The following TTLL4 variants were observed in gnomAD, a reference collection of about 807,000 sequenced individuals.
The protein encoded by TTLL4 is tubulin tyrosine ligase like 4, also known as tubulin monoglutamylase TTLL4.
A neutral mutation model predicts 122.7 loss-of-function variants in TTLL4; 85 were observed. The observed-to-expected ratio is 0.69, with a 90% CI of 0.58 to 0.83. The LOEUF is 0.83. Among genes scored for constraint, TTLL4 ranks in the 40% least tolerant of loss-of-function variants. The pLI, the probability that TTLL4 is intolerant of heterozygous loss-of-function variation, is 0.00. For missense variants in TTLL4, 1,363 were observed against 1,488.6 expected, an observed-to-expected ratio of 0.92 and a Z score of 1.39; for synonymous variants, 553 against 563.0, an observed-to-expected ratio of 0.98 and a Z score of 0.25.
intron 1 of TTLL4, among the ~76,000 whole-genome samples, chr2:218,721,577 C>A (rs893105699): frequency 3.3e-5 from 5 of 152,142 alleles, no homozygotes; most frequent in African/African-American, 1.2e-4. Context: ...GTGCCTCACA[C>A]ATTTTGATGA....
rs1942594130 is a variant in TTLL4, at chr2:218,738,358, A to G, written c.682A>G (p.Thr228Ala). The part of the protein sequence containing the change: ...NNNSFMWPNS[T>A]PVPLLQTTQG... ...TAATTCCTTCATGTGGCCAAATAGC[A>G]CGCCAGTGCCTTTATTGCAGACCAC... The change falls in exon 3 of 20, where the codon ACG (threonine) becomes GCG (alanine). Residue 228 changes from threonine to alanine, a missense_variant. By Grantham distance (58) the Thr-to-Ala change is moderately conservative (BLOSUM62 0). Transcript: ENST00000392102. 6.2e-7 allele frequency: 1 copy of G among 1,614,090 alleles called. No homozygotes were observed. The highest frequency in any genetic ancestry group is 8.5e-7 in the Non-Finnish European group (1 of 1,180,026).
At chr2:218,752,088 A>G (rs1481129411) in intron 16 of TTLL4, among the ~76,000 whole-genome samples, 1 of 151,814 alleles carries the variant, frequency 6.6e-6, no homozygotes, top group Non-Finnish European at 1.5e-5. Flanking sequence ...TATATTTTTT[A>G]GTAGAGATGG....
At position 218,747,207 on chromosome 2, in the gene TTLL4, C is replaced by T. The variant is rs1942868020; in HGVS notation, c.2166+13C>T. The stretch of plus-strand genomic sequence containing the variant: ...GATTGTGAAGCCAGTGAGTGAATCA[C>T]AGTGGGCAGGAGACTATGGTCTGTG... On this transcript the variant is annotated intron_variant, in intron 9 of 19. Transcript: ENST00000392102. The surrounding 1 kb of genome is among the most constrained non-coding windows in gnomAD (Gnocchi z 4.7). 2 of 1,614,054 alleles carry T rather than the reference C, an allele frequency of 1.2e-6. No individual in the cohort carries two copies. The highest frequency in any genetic ancestry group is 1.7e-5 in the Admixed American group (1 of 60,008).
At position 218,737,559 on chromosome 2, in the gene TTLL4, A is replaced by G; in HGVS notation, c.-98-20A>G. 5 of 1,211,008 alleles carry G rather than the reference A, an allele frequency of 4.1e-6. No individual in the cohort carries two copies. Among genetic ancestry groups the G allele is most frequent in the Middle Eastern group, 2.9e-4 (1 of 3,392 alleles). 75.0% of individuals were successfully genotyped at this position (1,211,008 alleles called of 1,614,324 possible). ...TTCTCCTGGCACTGTAACATTTCCT[A>G]TCATTTCTCTCCACTTCAGACTGAC... is the stretch of plus-strand genomic sequence containing the variant. On this transcript the variant is annotated intron_variant, in intron 2 of 19. Coordinates refer to ENST00000392102, the MANE Select transcript of TTLL4 (RefSeq NM_014640.5).
At position 218,750,103 on chromosome 2, in the gene TTLL4, G is replaced by A. The variant is rs769389900; in HGVS notation, c.2830G>A (p.Asp944Asn). The A allele has an allele frequency of 6.2e-7, 1 of 1,614,034 alleles. No individual in the cohort carries two copies. The highest frequency in any genetic ancestry group is 8.5e-7 in the Non-Finnish European group (1 of 1,179,940). The change falls in exon 15 of 20, where the codon GAT becomes AAT. Residue 944 changes from aspartate (D) to asparagine (N), a missense_variant. Asp to Asn is a conservative substitution (Grantham distance 23). Around this residue, in one of 3 missense-constraint regions of TTLL4, gnomAD observed 596 missense variants for 655.8 expected, o/e 0.91. Coordinates refer to ENST00000392102, the MANE Select transcript of TTLL4 (RefSeq NM_014640.5). ...AGGTTTTGTCCTGCCCAATGCAGAG[G>A]ATATCATTTCCAGCCCCAGCAGCTG... The part of the protein sequence containing the change: ...LAGFVLPNAE[D>N]IISSPSSCSS...
intron 2 of TTLL4, among the ~76,000 whole-genome samples, chr2:218,734,583 G>A (rs543001498): frequency 6.6e-6 from 1 of 152,276 alleles, no homozygotes; most frequent in African/African-American, 2.4e-5. Flanking sequence ...AGAAGAAAGG[G>A]CTCCAGGAAC....
chr2:218,718,670 G>A (rs188809979), intron 1 of TTLL4, among the ~76,000 whole-genome samples: 3 of 152,250 alleles, frequency 2.0e-5, no homozygotes, highest in African/African-American at 7.2e-5. Flanking sequence ...GAACCACTGC[G>A]CCCGGCCAGC....
At chr2:218,729,766 A>ACAG (rs59851076) in intron 2 of TTLL4, among the ~76,000 whole-genome samples, 42 of 145,446 alleles carry the variant, frequency 2.9e-4, no homozygotes, top group African/African-American at 1.1e-3. Flanking sequence ...AAAAAAACAA[A>ACAG]AAAAAAAAAA....
At chr2:218,750,295 C>A in intron 15 of TTLL4, 149 bp downstream of exon 15, 3 of 1,102,032 alleles carry the variant, frequency 2.7e-6, no homozygotes, top group Non-Finnish European at 3.8e-6. Flanking sequence ...TGCTACCATG[C>A]CACATCAGTG....
chr2:218,726,640 TG>T (rs761559961), intron 1 of TTLL4, among the ~76,000 whole-genome samples: 16 of 151,966 alleles, frequency 1.1e-4, no homozygotes, highest in Non-Finnish European at 2.2e-4. Flanking sequence ...TAATTTTTTC[TG>T]GTTTTAGTAG....
chr2:218,725,617 G>A (rs749661999), intron 1 of TTLL4, among the ~76,000 whole-genome samples: 4 of 151,648 alleles, frequency 2.6e-5, no homozygotes, highest in African/African-American at 7.3e-5. Context: ...GTGTAGTGGC[G>A]TGATCTCGGC....
chr2:218,750,474 G>A (rs1471354776), intron 15 of TTLL4, among the ~76,000 whole-genome samples: 13 of 152,206 alleles, frequency 8.5e-5, no homozygotes, highest in Non-Finnish European at 2.9e-5. Flanking sequence ...AGTGCACTAT[G>A]ATGATCATGC....
chr2:218,746,018 G>C, intron 7 of TTLL4, 137 bp from the exon 8 acceptor site: 1 of 1,027,718 alleles, frequency 9.7e-7, no homozygotes, highest in Non-Finnish European at 1.5e-6. Flanking sequence ...TGGCCCCAGG[G>C]CCTCATGTAG....
At chr2:218,751,884 T>TC (rs1415591748) in intron 16 of TTLL4, 78 bp downstream of exon 16, 22 of 882,274 alleles carry the variant, frequency 2.5e-5, no homozygotes, top group Non-Finnish European at 3.3e-5. Context: ...GCAAACAGCT[T>TC]TTCTTTTTTT....
chr2:218,748,428 G>C, intron 12 of TTLL4: 1 of 760,362 alleles, frequency 1.3e-6, no homozygotes, highest in South Asian at 2.0e-5. Flanking sequence ...GCCAAGGTGG[G>C]TGGATCACCT....
In TTLL4 at chr2:218,754,158, C is replaced by T. The variant is rs1428320635; in HGVS notation, c.3369C>T (p.Ser1123=). 1.9e-6 allele frequency: 3 copies of T among 1,614,056 alleles called. No individual in the cohort carries two copies. Among genetic ancestry groups the T allele is most frequent in the African/African-American group, 2.7e-5 (2 of 74,910 alleles). The change falls in exon 20 of 20, where the codon AGC becomes AGT. Residue 1123 remains serine (S), a synonymous_variant. Transcript: ENST00000392102. The stretch of plus-strand genomic sequence containing the variant: ...GAAAACAAAGCTCCTGTGAGGTTAG[C>T]CTACTACTCTCTGAAGACGGGACCA... ...KLGKQSSCEV[S]LLLSEDGTTP...
intron 1 of TTLL4, among the ~76,000 whole-genome samples, chr2:218,721,157 G>A (rs1262598107): frequency 1.3e-5 from 2 of 152,140 alleles, no homozygotes; most frequent in Non-Finnish European, 2.9e-5. Context: ...TAAGTGAAGT[G>A]TTTCCCTGAG....
At position 218,752,742 on chromosome 2, in the gene TTLL4, TC is replaced by T. The variant is rs757489602; in HGVS notation, c.2977-18del. On this transcript the variant is annotated intron_variant, in intron 16 of 19. Coordinates refer to ENST00000392102, the MANE Select transcript of TTLL4 (RefSeq NM_014640.5). ...CTTACACTCTCTCACACCCTTTTTC[TC>T]CCTGTTCCTTGGACCACAGGACTTC... 7 of 1,613,668 alleles carry T rather than the reference TC, an allele frequency of 4.3e-6. No individual in the cohort carries two copies. In the South Asian group the frequency reaches 7.7e-5, roughly 18 times the overall value.
At chr2:218,743,922 G>A (rs978691606) in intron 5 of TTLL4, among the ~76,000 whole-genome samples, 3 of 152,062 alleles carry the variant, frequency 2.0e-5, no homozygotes, top group Non-Finnish European at 2.9e-5. Context: ...CGGGTGATCC[G>A]CCTGCCTCAG....
Sources: gnomAD v4.1 joint callset for allele counts (sites outside exome capture counted in the v4.1 genomes callset) on GRCh38, gnomAD v4.1.1 for gene constraint, gnomAD v4.1.1 regional missense constraint, Gnocchi (gnomAD v3.1) non-coding constraint, MANE v1.5 for transcripts, NCBI Gene and HGNC (gene_info 2026-07-23, HGNC 2026-07-21) for gene names.